KPNA6: variants seen among roughly 807,000 people sequenced by gnomAD.
KPNA6 encodes the protein karyopherin subunit alpha 6, also known as importin subunit alpha-7.
KPNA6 carries 9 observed loss-of-function variants against 72.0 expected under a neutral mutation model. That is an observed-to-expected ratio of 0.13 (90% CI 0.08 to 0.22). The LOEUF (loss-of-function observed/expected upper bound fraction) is 0.22, where lower values mean the gene tolerates loss of function less well. Ranked by LOEUF, KPNA6 falls within the 10% of genes least tolerant of loss-of-function variation. The pLI, the probability that KPNA6 is intolerant of heterozygous loss-of-function variation, is 1.00. For missense variants in KPNA6, 374 were observed against 655.7 expected (o/e 0.57, Z 4.69); for synonymous variants, 219 against 242.1 (o/e 0.90, Z 0.89).
intron 10 of KPNA6, among the ~76,000 whole-genome samples, chr1:32,165,840 A>G (rs1313358685): frequency 6.6e-6 from 1 of 151,942 alleles, no homozygotes. Flanking sequence ...TCTACTAAAA[A>G]TAGAAAAATT....
At chr1:32,113,619 A>T (rs1265787407) in intron 1 of KPNA6, among the ~76,000 whole-genome samples, 1 of 152,040 alleles carries the variant, frequency 6.6e-6, no homozygotes, top group Non-Finnish European at 1.5e-5. Flanking sequence ...TGCCCGGCTA[A>T]TTTTTTAAAT....
At chr1:32,114,451 A>AAAAAT (rs982175711) in intron 1 of KPNA6, among the ~76,000 whole-genome samples, 305 of 145,534 alleles carry the variant, frequency 2.1e-3, no homozygotes, top group African/African-American at 7.1e-3. Flanking sequence ...CAAAAAAAAA[A>AAAAAT]ATATATATAT....
chr1:32,119,009 TATATATATATATATATATATA>T (rs1641378071), intron 1 of KPNA6, among the ~76,000 whole-genome samples: 1 of 66,736 alleles, frequency 1.5e-5, no homozygotes, highest in Non-Finnish European at 2.7e-5. Flanking sequence ...TATATATATA[TATATATATATATATATATATA>T]TATTTTTTTT....
At chr1:32,119,021 TATATATA>T (rs1261720247) in intron 1 of KPNA6, among the ~76,000 whole-genome samples, 24 of 81,422 alleles carry the variant, frequency 2.9e-4, no homozygotes, top group African/African-American at 9.5e-4. Flanking sequence ...TATATATATA[TATATATA>T]TATATTTTTT....
At chr1:32,136,871 C>T (rs1357856104) in intron 1 of KPNA6, among the ~76,000 whole-genome samples, 1 of 152,162 alleles carries the variant, frequency 6.6e-6, no homozygotes, top group Non-Finnish European at 1.5e-5. Flanking sequence ...TTCTGGTTTT[C>T]AAATCAAAGC....
intron 1 of KPNA6, among the ~76,000 whole-genome samples, chr1:32,112,836 T>C (rs1028967017): frequency 2.0e-5 from 3 of 152,100 alleles, no homozygotes; most frequent in African/African-American, 4.8e-5. Context: ...TTGTGAAAAA[T>C]TGCCATTTGG....
chr1:32,166,007 A>G, intron 10 of KPNA6, 98 bp from the exon 11 acceptor site: 1 of 1,279,490 alleles, frequency 7.8e-7, no homozygotes, highest in East Asian at 3.3e-5. Flanking sequence ...CAAAAAAAAA[A>G]ACAAAAACAA....
At chr1:32,131,314 G>A (rs533174427) in intron 1 of KPNA6, among the ~76,000 whole-genome samples, 293 of 152,002 alleles carry the variant, frequency 1.9e-3, no homozygotes, top group South Asian at 5.2e-3. Flanking sequence ...AATCTTAGGG[G>A]TATATCTTCA....
intron 1 of KPNA6, among the ~76,000 whole-genome samples, chr1:32,126,045 T>C (rs2124530614): frequency 6.6e-6 from 1 of 151,466 alleles, no homozygotes. Context: ...TCTTTTTATT[T>C]TGTTTGTTTG....
intron 1 of KPNA6, among the ~76,000 whole-genome samples, chr1:32,138,058 C>G (rs1641768829): frequency 6.6e-6 from 1 of 151,274 alleles, no homozygotes; most frequent in Admixed American, 6.6e-5. Context: ...TCGCATCAAC[C>G]CGGGAGGCAG....
In KPNA6 at chr1:32,173,151, A is replaced by G. The variant is rs1642467520; in HGVS notation, c.*2257A>G. The G allele has an allele frequency of 5.1e-6, 2 of 395,996 alleles. No individual in the cohort carries two copies. Among genetic ancestry groups the G allele is most frequent in the Non-Finnish European group, 8.9e-6 (2 of 225,630 alleles). 24.5% of individuals were successfully genotyped at this position (395,996 alleles called of 1,614,324 possible). A position where few individuals can be genotyped will look rare whatever the true frequency, so the allele number is the denominator to read the frequency against. ...TTTCACTTGGCCTGCTACCTCCATT[A>G]AAAAACCATTCTCTTACAGTTTAAA... On this transcript the variant is annotated 3_prime_UTR_variant, in exon 14 of 14. Coordinates refer to ENST00000373625, the MANE Select transcript of KPNA6 (RefSeq NM_012316.5).
chr1:32,123,739 TAAAAAAAA>T (rs56952347), intron 1 of KPNA6, among the ~76,000 whole-genome samples: 1 of 99,938 alleles, frequency 1.0e-5, no homozygotes, highest in African/African-American at 3.9e-5. Flanking sequence ...GACCCTGTCT[TAAAAAAAA>T]AAAAAAAAAA....
Position 32,130,314 on chromosome 1 carries a change from G to A in KPNA6, c.4+22180G>A, listed in dbSNP as rs74224608. 3.1e-3 allele frequency among the ~76,000 whole-genome samples: 456 copies of A among 148,698 alleles called. 6 individuals carry two copies. The East Asian group carries it at 0.043, about 14-fold the overall frequency. On this transcript the variant is annotated intron_variant, in intron 1 of 13. Coordinates refer to ENST00000373625, the MANE Select transcript of KPNA6 (RefSeq NM_012316.5). ...AGAAGACTGCTTCACAGCTAGTAGAGAGGACACAAATGTGACTTTCTTGGC... is the reference window on the plus strand; with the variant it reads ...AGAAGACTGCTTCACAGCTAGTAGAAAGGACACAAATGTGACTTTCTTGGC...
intron 13 of KPNA6, 49 bp from the exon 14 acceptor site, chr1:32,170,658 C>T (rs1244044946): frequency 6.6e-7 from 1 of 1,506,986 alleles, no homozygotes; most frequent in Non-Finnish European, 9.2e-7. Context: ...TTTCACCTGC[C>T]CATAGAAAAG....
At chr1:32,141,286 A>G (rs1023186438) in intron 1 of KPNA6, among the ~76,000 whole-genome samples, 5 of 144,404 alleles carry the variant, frequency 3.5e-5, no homozygotes, top group Admixed American at 2.1e-4. Flanking sequence ...ATGGAGCACT[A>G]TGGCAATCTT....
At chr1:32,165,603 G>T (rs1295786454) in intron 10 of KPNA6, among the ~76,000 whole-genome samples, 1 of 152,134 alleles carries the variant, frequency 6.6e-6, no homozygotes, top group Non-Finnish European at 1.5e-5. Context: ...TCAGGAGGCT[G>T]AAGTAGAAGG....
chr1:32,167,890 G>A (rs1642368915), intron 12 of KPNA6, among the ~76,000 whole-genome samples: 1 of 152,020 alleles, frequency 6.6e-6, no homozygotes, highest in African/African-American at 2.4e-5. Flanking sequence ...AAGCAAGCTG[G>A]TGTAGTGGCT....
At chr1:32,129,367 T>C (rs1641596649) in intron 1 of KPNA6, among the ~76,000 whole-genome samples, 1 of 151,976 alleles carries the variant, frequency 6.6e-6, no homozygotes, top group Admixed American at 6.6e-5. Flanking sequence ...GGTTTCGCCA[T>C]GTTGCCCAGG....
In KPNA6 at chr1:32,159,383, C is replaced by T. The variant is rs745416276; in HGVS notation, c.427-17C>T. On this transcript the variant is annotated splice_polypyrimidine_tract_variant and intron_variant, in intron 5 of 13. Transcript: ENST00000373625. ...GTCTGAAATGACCTTTCAATCATTG[C>T]TTAATCTCACTTTCAGTTTGAAGCT... 16 of 1,613,246 alleles carry T rather than the reference C, an allele frequency of 9.9e-6. No homozygotes were observed. In the East Asian group the frequency reaches 2.5e-4, roughly 25 times the overall value.
Sources: gnomAD v4.1 joint callset for allele counts (sites outside exome capture counted in the v4.1 genomes callset) on GRCh38, gnomAD v4.1.1 for gene constraint, MANE v1.5 for transcripts, NCBI Gene and HGNC (gene_info 2026-07-23, HGNC 2026-07-21) for gene names.